The following TRPM3 variants were observed in gnomAD, a reference collection of about 807,000 sequenced individuals.
The protein encoded by TRPM3 is long transient receptor potential channel 3.
A neutral mutation model predicts 181.2 loss-of-function variants in TRPM3; 77 were observed. That is an observed-to-expected ratio of 0.42 (90% CI 0.35 to 0.51). The LOEUF is 0.51. Among genes scored for constraint, TRPM3 ranks in the 20% least tolerant of loss-of-function variants. TRPM3 has a pLI of 0.01. For missense variants in TRPM3, 1,759 were observed against 2,196.7 expected (o/e 0.80, Z 3.98); for synonymous variants, 745 against 796.4 (o/e 0.94, Z 1.09).
At chr9:71,325,299 C>G (rs1001694015) in intron 1 of TRPM3, among the ~76,000 whole-genome samples, 7 of 152,094 alleles carry the variant, frequency 4.6e-5, no homozygotes, top group African/African-American at 1.7e-4. Flanking sequence ...TTCTATGTTG[C>G]AGGCCAATGT....
Position 71,121,334 on chromosome 9 carries a change from G to A in TRPM3, c.21C>T (p.Thr7=), listed in dbSNP as rs76136548. 4.8e-4 allele frequency: 772 copies of A among 1,613,746 alleles called. 5 individuals carry two copies. In the East Asian group the frequency reaches 0.014, roughly 30 times the overall value. MPEPWG[T]VYFLGIAQVF... ...CCTGAGCAATGCCTAGAAAATAAAC[G>A]GTCCCCCACGGCTCTGGCATCCCAT... The change falls in exon 1 of 26, where the codon ACC becomes ACT. Residue 7 remains threonine, a synonymous_variant. Transcript: ENST00000677713.
chr9:71,101,565 T>G (rs560204141), intron 1 of TRPM3, among the ~76,000 whole-genome samples: 1 of 152,246 alleles, frequency 6.6e-6, no homozygotes, highest in South Asian at 2.1e-4. Flanking sequence ...TAAAGAACTC[T>G]AAAAATTGGC....
At chr9:71,200,687 G>A (rs185470837) in intron 1 of TRPM3, among the ~76,000 whole-genome samples, 16 of 152,196 alleles carry the variant, frequency 1.1e-4, no homozygotes, top group South Asian at 2.1e-4. Flanking sequence ...CAGAGACTAG[G>A]ATTGCAACCC....
chr9:70,555,089 G>A (rs1310864363), intron 22 of TRPM3, among the ~76,000 whole-genome samples: 1 of 152,176 alleles, frequency 6.6e-6, no homozygotes, highest in Non-Finnish European at 1.5e-5. Context: ...ACTGGACTGA[G>A]TTTCCTGCAG....
chr9:71,172,782 T>C (rs1304125920), intron 1 of TRPM3, among the ~76,000 whole-genome samples: 1 of 152,180 alleles, frequency 6.6e-6, no homozygotes, highest in Non-Finnish European at 1.5e-5. Context: ...AAACAGGTTC[T>C]TCCCATGGAA....
At chr9:70,649,307 G>C (rs1200532620) in intron 9 of TRPM3, among the ~76,000 whole-genome samples, 1 of 151,662 alleles carries the variant, frequency 6.6e-6, no homozygotes, top group African/African-American at 2.4e-5. Context: ...TCCTGCCTCA[G>C]CCTCCCGAGT....
chr9:71,265,278 G>A (rs2132095013), intron 1 of TRPM3, among the ~76,000 whole-genome samples: 1 of 152,272 alleles, frequency 6.6e-6, no homozygotes, highest in East Asian at 1.9e-4. Context: ...ATGTCCCATA[G>A]TAGCCAAATA....
intron 1 of TRPM3, among the ~76,000 whole-genome samples, chr9:71,252,510 C>A (rs540512329): frequency 5.6e-4 from 85 of 152,266 alleles, no homozygotes; most frequent in African/African-American, 1.9e-3. Context: ...AAGGCACTTT[C>A]CAGGACCAAC....
intron 1 of TRPM3, among the ~76,000 whole-genome samples, chr9:71,365,260 G>C (rs2092296864): frequency 1.3e-5 from 2 of 152,154 alleles, no homozygotes; most frequent in South Asian, 2.1e-4. Context: ...GCACATAATA[G>C]CATGTTTTTG....
chr9:70,781,326 T>TAA (rs35173071), intron 7 of TRPM3, among the ~76,000 whole-genome samples: 28 of 106,110 alleles, frequency 2.6e-4, no homozygotes, highest in Non-Finnish European at 3.5e-4. Context: ...TTCCATTTCA[T>TAA]AAAAAAAAAA....
intron 1 of TRPM3, among the ~76,000 whole-genome samples, chr9:71,151,736 T>G (rs1011533278): frequency 1.3e-5 from 2 of 152,044 alleles, no homozygotes; most frequent in African/African-American, 4.8e-5. Context: ...GTTAACTACA[T>G]TACATAAATC....
At chr9:71,390,024 T>C (rs544202269) in intron 1 of TRPM3, among the ~76,000 whole-genome samples, 4 of 152,180 alleles carry the variant, frequency 2.6e-5, no homozygotes, top group Admixed American at 6.6e-5. Flanking sequence ...AATACATACA[T>C]AGAAGCACAC....
intron 1 of TRPM3, among the ~76,000 whole-genome samples, chr9:71,066,679 A>C (rs975626422): frequency 2.0e-5 from 3 of 152,228 alleles, no homozygotes; most frequent in African/African-American, 7.2e-5. Flanking sequence ...ACTGTTAATT[A>C]CTGCTGACTA....
intron 1 of TRPM3, among the ~76,000 whole-genome samples, chr9:71,313,702 T>C (rs946275626): frequency 6.6e-6 from 1 of 152,148 alleles, no homozygotes; most frequent in Non-Finnish European, 1.5e-5. Context: ...AACAGAAAGA[T>C]CACATAATCC....
chr9:71,317,903 CT>C (rs1272461057), intron 1 of TRPM3, among the ~76,000 whole-genome samples: 1 of 152,008 alleles, frequency 6.6e-6, no homozygotes, highest in Non-Finnish European at 1.5e-5. Flanking sequence ...AAAAATATAA[CT>C]TTTAAATACA....
chr9:70,943,246 A>T (rs751859323), intron 1 of TRPM3, among the ~76,000 whole-genome samples: 1 of 152,220 alleles, frequency 6.6e-6, no homozygotes, highest in Non-Finnish European at 1.5e-5. Context: ...AAGTATTTGT[A>T]TAGAACCTTC....
intron 6 of TRPM3, among the ~76,000 whole-genome samples, chr9:70,787,564 C>T (rs1312503114): frequency 1.3e-5 from 2 of 149,728 alleles, no homozygotes; most frequent in African/African-American, 4.9e-5. Context: ...CTTACTTACA[C>T]ACATAAACGT....
chr9:71,221,556 G>T (rs2080241787), intron 1 of TRPM3, among the ~76,000 whole-genome samples: 1 of 151,724 alleles, frequency 6.6e-6, no homozygotes, highest in Admixed American at 6.6e-5. Flanking sequence ...TGTGTTTTTG[G>T]CACTTATCAC....
intron 1 of TRPM3, among the ~76,000 whole-genome samples, chr9:71,282,804 T>C (rs932981463): frequency 6.6e-6 from 1 of 152,174 alleles, no homozygotes; most frequent in Non-Finnish European, 1.5e-5. Flanking sequence ...AAGTGGCTGA[T>C]GTGACTAGAT....
Sources: allele counts gnomAD v4.1 joint callset (sites outside exome capture counted in the v4.1 genomes callset), GRCh38; gene constraint gnomAD v4.1.1; transcripts MANE v1.5; gene names NCBI Gene and HGNC (gene_info 2026-07-23, HGNC 2026-07-21).